CCDC187: variants seen among roughly 807,000 people sequenced by gnomAD.
The protein encoded by CCDC187 is coiled-coil domain-containing protein 187.
In CCDC187, 32 loss-of-function variants were observed where a neutral mutation model predicts 38.0. The ratio of observed to expected loss-of-function variants is 0.84; its 90% CI spans 0.64 to 1.13. The LOEUF is 1.13. CCDC187 is among the 50% of genes most tolerant of loss of function. CCDC187 has a pLI of 0.00. For missense variants in CCDC187, 707 were observed against 786.8 expected (o/e 0.90, Z 1.21); for synonymous variants, 333 against 347.9 (o/e 0.96, Z 0.48).
intron 4 of CCDC187, among the ~76,000 whole-genome samples, chr9:136,293,356 C>CACAA (rs1554765615): frequency 0.046 from 6,615 of 143,098 alleles, 367 homozygotes; most frequent in East Asian, 0.11. Context: ...CATGCTCACA[C>CACAA]ACATTCACAT....
chr9:136,258,584 G>T lies in CCDC187; in HGVS notation c.4366+348C>A. 1 of 634,490 alleles carries T rather than the reference G, an allele frequency of 1.6e-6. No homozygotes were observed. The highest frequency in any genetic ancestry group is 2.0e-6 in the Non-Finnish European group (1 of 509,600). The allele number at this position is 634,490 out of a possible 1,614,324, so 39.3% of individuals were successfully genotyped here. ...GTGTAAGGTTCAGAAAGAGAAAAAT[G>T]TAATCGGTGCAGAAACCTCCGTCAG... On this transcript the variant is annotated intron_variant, in intron 22 of 25. Coordinates refer to ENST00000638797, the MANE Select transcript of CCDC187 (RefSeq NM_001378188.1). This position sits in a 1 kb window ranked among gnomAD's most constrained non-coding sequence, Gnocchi z 4.3.
At chr9:136,301,887 C>T (rs1831693618) in intron 2 of CCDC187, among the ~76,000 whole-genome samples, 1 of 152,084 alleles carries the variant, frequency 6.6e-6, no homozygotes, top group South Asian at 2.1e-4. Context: ...CGCTCCCGGA[C>T]TACATATTTT....
chr9:136,302,756 AC>A, intron 2 of CCDC187, 55 bp downstream of exon 2: 1 of 399,008 alleles, frequency 2.5e-6, no homozygotes, highest in Non-Finnish European at 4.4e-6. Context: ...CCCGCTTTCC[AC>A]CCTCCCGACA....
chr9:136,254,179 G>A lies in CCDC187; in HGVS notation c.5649C>T (p.Asp1883=), dbSNP rs1464425744. The A allele has an allele frequency of 2.0e-6, 2 of 985,380 alleles. No individual in the cohort carries two copies. Among genetic ancestry groups the A allele is most frequent in the Non-Finnish European group, 2.4e-6 (2 of 829,974 alleles). The allele number at this position is 985,380 out of a possible 1,614,324, so 61.0% of individuals were successfully genotyped here. A position where few individuals can be genotyped will look rare whatever the true frequency, so the allele number is the denominator to read the frequency against. ...VFPLQISSAG[D]SDSLLVFPSW... ...AAGGAAAGACCAGCAGTGAGTCCGA[G>A]TCACCGGCAGAAGAGATTTGCAGCG... Residue 1883 remains aspartate (D), a synonymous_variant, in exon 26 of 26, where the codon GAC becomes GAT. Transcript: ENST00000638797.
At position 136,253,521 on chromosome 9, in the gene CCDC187, C is replaced by T; in HGVS notation, c.*73G>A. On this transcript the variant is annotated 3_prime_UTR_variant, in exon 26 of 26. Transcript: ENST00000638797. ...TGGCTGCCTCCGGCCTCATCCCCTG[C>T]TGCAGAACTGCATCTACCCAACTGG... 1 of 860,350 alleles carries T rather than the reference C, an allele frequency of 1.2e-6. No individual in the cohort carries two copies. Among genetic ancestry groups the T allele is most frequent in the Non-Finnish European group, 1.4e-6 (1 of 715,662 alleles). The allele number at this position is 860,350 out of a possible 1,614,324, so 53.3% of individuals were successfully genotyped here.
intron 10 of CCDC187, among the ~76,000 whole-genome samples, chr9:136,277,130 T>C (rs1830947170): frequency 6.6e-6 from 1 of 151,802 alleles, no homozygotes; most frequent in Non-Finnish European, 1.5e-5. Flanking sequence ...GTCATGCATT[T>C]GCCATGTGAC....
At chr9:136,297,967 G>C (rs1831576661) in intron 3 of CCDC187, 146 bp from the exon 4 acceptor site, 1 of 393,556 alleles carries the variant, frequency 2.5e-6, no homozygotes, top group African/African-American at 2.1e-5. Context: ...TGCTTGGCGA[G>C]AGCCAGGGTG....
chr9:136,299,189 C>A (rs1430825104), intron 3 of CCDC187, among the ~76,000 whole-genome samples: 1 of 152,172 alleles, frequency 6.6e-6, no homozygotes, highest in Non-Finnish European at 1.5e-5. Context: ...GACAGGAGTT[C>A]CCCGGCAACT....
At chr9:136,306,013 C>G (rs1429004998), upstream of CCDC187, among the ~76,000 whole-genome samples, 1 of 152,232 alleles carries the variant, frequency 6.6e-6, no homozygotes, top group Non-Finnish European at 1.5e-5. Context: ...CGCTCACAGC[C>G]TGCACCGGCT....
At chr9:136,284,325 T>C (rs1831119774) in intron 9 of CCDC187, among the ~76,000 whole-genome samples, 3 of 152,236 alleles carry the variant, frequency 2.0e-5, no homozygotes, top group South Asian at 4.1e-4. Flanking sequence ...ACCCAGGCCC[T>C]GATGTCTGGG....
chr9:136,302,570 G>A (rs1301033169), intron 2 of CCDC187, among the ~76,000 whole-genome samples: 1 of 152,212 alleles, frequency 6.6e-6, no homozygotes, highest in African/African-American at 2.4e-5. Flanking sequence ...CAGGCCCTGT[G>A]TGCCCCTCCC....
Position 136,291,202 on chromosome 9 carries a change from G to T in CCDC187, c.1411C>A (p.Arg471Ser), listed in dbSNP as rs1042153137. ...QRAWGAQGQD[R>S]SFQRPESPHE... ...GGACTCTCCGGCCTCTGGAAGGAGC[G>T]GTCCTGTCCTTGGGCCCCCCAGGCC... Residue 471 changes from arginine to serine, a missense_variant, in exon 6 of 26, where the codon CGC becomes AGC. By Grantham distance (110) the Arg-to-Ser change is moderately radical. Transcript: ENST00000638797. 1.3e-5 allele frequency: 5 copies of T among 398,668 alleles called. No homozygotes were observed. The East Asian group carries it at 1.8e-4, about 14-fold the overall frequency. 24.7% of individuals were successfully genotyped at this position (398,668 alleles called of 1,614,324 possible). A position where few individuals can be genotyped will look rare whatever the true frequency, so the allele number is the denominator to read the frequency against.
intron 9 of CCDC187, among the ~76,000 whole-genome samples, 177 bp from the exon 10 acceptor site, chr9:136,281,840 G>A: frequency 6.6e-6 from 1 of 152,220 alleles, no homozygotes; most frequent in Non-Finnish European, 1.5e-5. Flanking sequence ...GCCTGGCGGG[G>A]GAAGGGCCTG....
At position 136,260,112 on chromosome 9, in the gene CCDC187, T is replaced by C; in HGVS notation, c.4210+7A>G. The C allele has an allele frequency of 1.0e-6, 1 of 985,334 alleles. No homozygotes were observed. Among genetic ancestry groups the C allele is most frequent in the South Asian group, 4.7e-5 (1 of 21,284 alleles). The allele number at this position is 985,334 out of a possible 1,614,324, so 61.0% of individuals were successfully genotyped here. A position where few individuals can be genotyped will look rare whatever the true frequency, so the allele number is the denominator to read the frequency against. On this transcript the variant is annotated splice_region_variant and intron_variant, in intron 20 of 25. Coordinates refer to ENST00000638797, the MANE Select transcript of CCDC187 (RefSeq NM_001378188.1). Reference sequence around the variant, plus strand: ...GACCCTGGGCGGTCGCCGCGGCTGCTCATTACCTTGACTGACATGGCTGCC... The same window carrying C: ...GACCCTGGGCGGTCGCCGCGGCTGCCCATTACCTTGACTGACATGGCTGCC...
chr9:136,283,795 C>CA lies in CCDC187; in HGVS notation c.2927+1717dup, dbSNP rs1204934583. ...CCCGGGGCACTGAAATTAACCTTTT[C>CA]AAAAATTCTCACTGCCTCCGCCTCT... is the stretch of plus-strand genomic sequence containing the variant. On this transcript the variant is annotated intron_variant, in intron 9 of 25. Coordinates refer to ENST00000638797, the MANE Select transcript of CCDC187 (RefSeq NM_001378188.1). Among the ~76,000 whole-genome samples, 38 of 152,310 alleles carry CA rather than the reference C, an allele frequency of 2.5e-4. No individual in the cohort carries two copies. The Middle Eastern group carries it at 0.017, about 68-fold the overall frequency.
At chr9:136,270,141 C>T (rs903252990) in intron 14 of CCDC187, among the ~76,000 whole-genome samples, 1 of 152,242 alleles carries the variant, frequency 6.6e-6, no homozygotes, top group South Asian at 2.1e-4. Context: ...AGCTCCAGCC[C>T]TACGGGGCTT....
chr9:136,299,622 C>T (rs1057225038), intron 3 of CCDC187, among the ~76,000 whole-genome samples: 18 of 152,318 alleles, frequency 1.2e-4, no homozygotes, highest in South Asian at 6.2e-4. Context: ...TCCCATTGCC[C>T]GGGATGAAGG....
At chr9:136,265,053 TTC>T (rs1423014079) in intron 17 of CCDC187, among the ~76,000 whole-genome samples, 2 of 152,126 alleles carry the variant, frequency 1.3e-5, no homozygotes, top group Non-Finnish European at 2.9e-5. Context: ...CCCAGCCAGG[TTC>T]TTTTATCTGT....
Position 136,254,514 on chromosome 9 carries a change from C to G in CCDC187, c.5314G>C (p.Glu1772Gln). ...GCTGGCTTGGCCCCGGTACAGGGTT[C>G]TGGCAGGTCCTCCTCGCAGTCCTCC... Reference protein sequence around the residue: ...WEEDCEEDLPEPCTGAKPASG... With the variant: ...WEEDCEEDLPQPCTGAKPASG... The change falls in exon 26 of 26, where the codon GAA becomes CAA. Residue 1772 changes from glutamate (E) to glutamine (Q), a missense_variant. Coordinates refer to ENST00000638797, the MANE Select transcript of CCDC187 (RefSeq NM_001378188.1). 1 of 985,526 alleles carries G rather than the reference C, an allele frequency of 1.0e-6. No individual in the cohort carries two copies. Among genetic ancestry groups the G allele is most frequent in the East Asian group, 1.1e-4 (1 of 8,818 alleles). The allele number at this position is 985,526 out of a possible 1,614,324, so 61.0% of individuals were successfully genotyped here.
Sources: allele counts gnomAD v4.1 joint callset (sites outside exome capture counted in the v4.1 genomes callset), GRCh38; gene constraint gnomAD v4.1.1; non-coding constraint Gnocchi (gnomAD v3.1); transcripts MANE v1.5; gene names NCBI Gene and HGNC (gene_info 2026-07-23, HGNC 2026-07-21).